The following CHCHD3 variants were observed in gnomAD, a reference collection of about 807,000 sequenced individuals.
The protein encoded by CHCHD3 is coiled-coil-helix-coiled-coil-helix domain containing 3.
In CHCHD3, 20 loss-of-function variants were observed where a neutral mutation model predicts 38.2. The ratio of observed to expected loss-of-function variants is 0.52; its 90% CI spans 0.37 to 0.76. CHCHD3 has a LOEUF of 0.76. Among genes scored for constraint, CHCHD3 ranks in the 30% least tolerant of loss-of-function variants. The pLI is 0.00. For synonymous variants in CHCHD3, 82 were observed against 100.0 expected (o/e 0.82, Z 1.07); for missense variants, 245 against 279.2 (o/e 0.88, Z 0.87).
chr7:132,943,197 G>A (rs1262685008), intron 4 of CHCHD3, among the ~76,000 whole-genome samples: 1 of 152,050 alleles, frequency 6.6e-6, no homozygotes, highest in Non-Finnish European at 1.5e-5. Context: ...GAACAACAAA[G>A]AGACTTGAGT....
chr7:132,910,524 A>C (rs1585628956), intron 4 of CHCHD3, among the ~76,000 whole-genome samples: 1 of 152,338 alleles, frequency 6.6e-6, no homozygotes, highest in African/African-American at 2.4e-5. Context: ...ATATTTCTGC[A>C]GTTTCCCTTT....
chr7:133,026,774 G>C (rs1192702427), intron 2 of CHCHD3, among the ~76,000 whole-genome samples: 1 of 152,134 alleles, frequency 6.6e-6, no homozygotes, highest in East Asian at 1.9e-4. Flanking sequence ...AGTCAGACAT[G>C]AAAGGTCACC....
At chr7:133,030,708 T>A (rs1260751506) in intron 2 of CHCHD3, among the ~76,000 whole-genome samples, 2 of 152,254 alleles carry the variant, frequency 1.3e-5, no homozygotes, top group Non-Finnish European at 2.9e-5. Flanking sequence ...GTCTGTACTT[T>A]TTAAAATTCT....
At chr7:132,957,975 A>G (rs879308515) in intron 4 of CHCHD3, among the ~76,000 whole-genome samples, 15 of 152,228 alleles carry the variant, frequency 9.9e-5, no homozygotes, top group Admixed American at 3.3e-4. Context: ...GAATCAACCA[A>G]TGGGCCAAAT....
chr7:132,830,421 A>G (rs1307933042), intron 6 of CHCHD3, among the ~76,000 whole-genome samples: 1 of 152,210 alleles, frequency 6.6e-6, no homozygotes, highest in Non-Finnish European at 1.5e-5. Context: ...CAGTTGAATA[A>G]AACAACTTAC....
intron 6 of CHCHD3, among the ~76,000 whole-genome samples, chr7:132,835,515 T>C (rs919760944): frequency 6.6e-6 from 1 of 152,176 alleles, no homozygotes; most frequent in African/African-American, 2.4e-5. Context: ...AGGTCAGCCA[T>C]CATGATGTCA....
chr7:132,786,353 G>C (rs531872743), intron 7 of CHCHD3, among the ~76,000 whole-genome samples: 44 of 152,302 alleles, frequency 2.9e-4, no homozygotes, highest in African/African-American at 1.0e-3. Flanking sequence ...CCCAGAGGGG[G>C]AGAACGCAGA....
chr7:132,926,499 A>G (rs1255502141), intron 4 of CHCHD3, among the ~76,000 whole-genome samples: 1 of 152,192 alleles, frequency 6.6e-6, no homozygotes, highest in African/African-American at 2.4e-5. Flanking sequence ...CTGCACATGG[A>G]GAGTCTAGAG....
At chr7:132,838,214 T>C (rs887790098) in intron 6 of CHCHD3, among the ~76,000 whole-genome samples, 185 bp downstream of exon 6, 4 of 152,196 alleles carry the variant, frequency 2.6e-5, no homozygotes, top group African/African-American at 9.6e-5. Context: ...TTTCATCAAA[T>C]GCCTTTGTCT....
intron 5 of CHCHD3, among the ~76,000 whole-genome samples, chr7:132,878,672 G>A (rs1290946700): frequency 1.3e-5 from 2 of 152,128 alleles, no homozygotes; most frequent in South Asian, 2.1e-4. Flanking sequence ...AAATCCAGAG[G>A]TGTCTGAAAA....
At chr7:133,081,790 C>T in intron 1 of CHCHD3, 67 bp downstream of exon 1, 2 of 1,486,772 alleles carry the variant, frequency 1.3e-6, no homozygotes, top group South Asian at 1.2e-5. Flanking sequence ...CTGAGCGGGT[C>T]CGGAGAAGAT....
chr7:132,887,077 A>G (rs1048064090), intron 4 of CHCHD3: 106 of 637,394 alleles, frequency 1.7e-4, no homozygotes, highest in Non-Finnish European at 1.9e-4. Flanking sequence ...AATCTGATGG[A>G]TAATATTTAA....
intron 4 of CHCHD3, among the ~76,000 whole-genome samples, chr7:132,899,004 C>T (rs1304605424): frequency 2.0e-5 from 3 of 152,220 alleles, no homozygotes; most frequent in Non-Finnish European, 4.4e-5. Context: ...CACCTCCCTA[C>T]AAGCTGAGGG....
chr7:132,995,083 A>G (rs1812379927), intron 3 of CHCHD3, among the ~76,000 whole-genome samples: 5 of 152,248 alleles, frequency 3.3e-5, no homozygotes, highest in Admixed American at 3.3e-4. Context: ...TAAGCAGTAT[A>G]CTAGATTTTT....
At chr7:132,967,581 A>G (rs4731924) in intron 4 of CHCHD3, among the ~76,000 whole-genome samples, 34,036 of 151,722 alleles carry the variant, frequency 0.22, 4,001 homozygotes, top group South Asian at 0.25. Context: ...TCCTGAGCAC[A>G]GGAGTTTGAG....
At chr7:132,961,487 A>G (rs1811319567) in intron 4 of CHCHD3, among the ~76,000 whole-genome samples, 1 of 152,162 alleles carries the variant, frequency 6.6e-6, no homozygotes, top group Middle Eastern at 3.4e-3. Flanking sequence ...TAAAAATTAC[A>G]TATGTTTTAG....
chr7:133,068,653 C>G (rs1225974210), intron 2 of CHCHD3, among the ~76,000 whole-genome samples: 1 of 152,156 alleles, frequency 6.6e-6, no homozygotes, highest in Non-Finnish European at 1.5e-5. Flanking sequence ...CGACAGTTAT[C>G]TATCTGGATT....
intron 2 of CHCHD3, among the ~76,000 whole-genome samples, chr7:133,028,084 C>A (rs534664688): frequency 6.6e-6 from 1 of 152,246 alleles, no homozygotes; most frequent in Non-Finnish European, 1.5e-5. Flanking sequence ...AAGTTGCATA[C>A]AACCAGTAGC....
chr7:133,028,951 C>T (rs747084020), intron 2 of CHCHD3, among the ~76,000 whole-genome samples: 6 of 151,810 alleles, frequency 4.0e-5, no homozygotes, highest in Non-Finnish European at 8.8e-5. Flanking sequence ...CTGAGCCCCT[C>T]ACCACGTGAT....
Sources: allele counts gnomAD v4.1 joint callset (sites outside exome capture counted in the v4.1 genomes callset), GRCh38; gene constraint gnomAD v4.1.1; transcripts MANE v1.5; gene names NCBI Gene and HGNC (gene_info 2026-07-23, HGNC 2026-07-21).